NECAB1: variants seen among roughly 807,000 people sequenced by gnomAD.
NECAB1 encodes the protein N-terminal EF-hand calcium-binding protein 1.
A neutral mutation model predicts 57.5 loss-of-function variants in NECAB1; 29 were observed. The observed-to-expected ratio is 0.50, with a 90% CI of 0.38 to 0.69. The LOEUF is 0.69. Ranked by LOEUF, NECAB1 falls within the 30% of genes least tolerant of loss-of-function variation. NECAB1 has a pLI of 0.00. For missense variants in NECAB1, 372 were observed against 413.8 expected (o/e 0.90, Z 0.88); for synonymous variants, 142 against 147.7 (o/e 0.96, Z 0.28).
intron 3 of NECAB1, among the ~76,000 whole-genome samples, chr8:90,841,054 G>A (rs942860926): frequency 5.3e-5 from 8 of 151,362 alleles, no homozygotes; most frequent in Non-Finnish European, 1.2e-4. Context: ...TCAGGAGATC[G>A]AAAGCATCCT....
At chr8:90,942,076 C>T (rs1344732672) in intron 10 of NECAB1, among the ~76,000 whole-genome samples, 2 of 152,136 alleles carry the variant, frequency 1.3e-5, no homozygotes, top group African/African-American at 4.8e-5. Flanking sequence ...ATATTTTATT[C>T]ATACCCCAGC....
At chr8:90,885,286 C>T (rs959724318) in intron 5 of NECAB1, among the ~76,000 whole-genome samples, 6 of 152,144 alleles carry the variant, frequency 3.9e-5, no homozygotes, top group Non-Finnish European at 7.4e-5. Context: ...AATGTCTGGG[C>T]AGGCTCAAGA....
Position 90,904,074 on chromosome 8 carries a change from C to A in NECAB1, c.358-13418C>A, listed in dbSNP as rs566950292. ...TGAGAATTTATAACTGCAAGTCAGC[C>A]CTCATGTAAATGTGCAGGCCAAATC... is the stretch of plus-strand genomic sequence containing the variant. On this transcript the variant is annotated intron_variant, in intron 5 of 12. Coordinates refer to ENST00000417640, the MANE Select transcript of NECAB1 (RefSeq NM_022351.5). Among the ~76,000 whole-genome samples, 11 of 152,200 alleles carry A rather than the reference C, an allele frequency of 7.2e-5. No homozygotes were observed. The East Asian group carries it at 1.4e-3, about 19-fold the overall frequency.
chr8:90,944,067 A>G (rs1810739826), intron 10 of NECAB1, among the ~76,000 whole-genome samples: 2 of 152,170 alleles, frequency 1.3e-5, no homozygotes, highest in Admixed American at 1.3e-4. Flanking sequence ...TCTTCACAGC[A>G]ATAATCAAGA....
At chr8:90,863,273 G>A (rs997109370) in intron 3 of NECAB1, among the ~76,000 whole-genome samples, 2 of 151,986 alleles carry the variant, frequency 1.3e-5, no homozygotes, top group Admixed American at 6.6e-5. Flanking sequence ...CACAACATTC[G>A]GTTTTAGAAT....
At chr8:90,829,303 A>G (rs1812268706) in intron 3 of NECAB1, among the ~76,000 whole-genome samples, 2 of 152,120 alleles carry the variant, frequency 1.3e-5, no homozygotes, top group Admixed American at 6.6e-5. Flanking sequence ...GGAAACTTCC[A>G]TGGTTCCTCA....
chr8:90,946,065 T>C (rs1425048968), intron 10 of NECAB1, among the ~76,000 whole-genome samples: 3 of 152,240 alleles, frequency 2.0e-5, no homozygotes, highest in Admixed American at 6.5e-5. Flanking sequence ...TATTTCACAA[T>C]TGGACTTTTC....
At chr8:90,852,412 G>A (rs1159626259) in intron 3 of NECAB1, among the ~76,000 whole-genome samples, 1 of 152,100 alleles carries the variant, frequency 6.6e-6, no homozygotes, top group Non-Finnish European at 1.5e-5. Context: ...ATACACACTG[G>A]TTGTACCAGT....
chr8:90,917,870 A>ATATATGTGTGTG (rs1554575432), intron 6 of NECAB1, among the ~76,000 whole-genome samples: 23 of 64,328 alleles, frequency 3.6e-4, no homozygotes, highest in African/African-American at 2.2e-3. Context: ...ATATATATAT[A>ATATATGTGTGTG]TGTGTGTGTG....
chr8:90,879,892 C>A (rs1244907652), intron 4 of NECAB1, among the ~76,000 whole-genome samples: 1 of 152,080 alleles, frequency 6.6e-6, no homozygotes, highest in Non-Finnish European at 1.5e-5. Context: ...ATGCATTTTA[C>A]TTTTTGTCAA....
chr8:90,875,459 G>A (rs1808700894), intron 4 of NECAB1, among the ~76,000 whole-genome samples: 1 of 133,144 alleles, frequency 7.5e-6, no homozygotes, highest in Non-Finnish European at 1.5e-5. Flanking sequence ...CCGCAGTCCG[G>A]CCTGGGCGAC....
In NECAB1 at chr8:90,824,707, G is replaced by A; in HGVS notation, c.125-10G>A. ...AAATAATTTGTGTCTCTTTGTTCTT[G>A]CCATTTCAGATGATGGAAAATTATC... On this transcript the variant is annotated splice_polypyrimidine_tract_variant and intron_variant, in intron 2 of 12. Transcript: ENST00000417640. 5 of 1,481,466 alleles carry A rather than the reference G, an allele frequency of 3.4e-6. No homozygotes were observed. The highest frequency in any genetic ancestry group is 4.6e-6 in the Non-Finnish European group (5 of 1,093,204). The allele number at this position is 1,481,466 out of a possible 1,614,324, so 91.8% of individuals were successfully genotyped here.
intron 3 of NECAB1, among the ~76,000 whole-genome samples, chr8:90,825,346 T>C (rs941475039): frequency 1.3e-5 from 2 of 151,906 alleles, no homozygotes; most frequent in Admixed American, 1.3e-4. Flanking sequence ...TTTGCCTATA[T>C]AGATCTCTCT....
At chr8:90,942,150 G>A (rs1255611715) in intron 10 of NECAB1, among the ~76,000 whole-genome samples, 1 of 152,184 alleles carries the variant, frequency 6.6e-6, no homozygotes, top group Non-Finnish European at 1.5e-5. Context: ...CTAGCTTTGT[G>A]GTTTTGAGAA....
At chr8:90,816,158 T>C (rs558173711) in intron 2 of NECAB1, among the ~76,000 whole-genome samples, 2 of 152,088 alleles carry the variant, frequency 1.3e-5, no homozygotes, top group South Asian at 4.1e-4. Context: ...ATGTCTTCTT[T>C]GGTAAAGTGT....
At chr8:90,875,735 G>A (rs1048072737) in intron 4 of NECAB1, among the ~76,000 whole-genome samples, 5 of 151,252 alleles carry the variant, frequency 3.3e-5, no homozygotes, top group Non-Finnish European at 4.4e-5. Flanking sequence ...TACGGGGGCC[G>A]GGCGCGGTGG....
At chr8:90,861,201 T>C (rs1812896042) in intron 3 of NECAB1, among the ~76,000 whole-genome samples, 1 of 152,172 alleles carries the variant, frequency 6.6e-6, no homozygotes, top group South Asian at 2.1e-4. Context: ...CTCTACAATG[T>C]CTCCCTTGTC....
chr8:90,824,730 A>G lies in NECAB1; in HGVS notation c.138A>G (p.Leu46=). Residue 46 remains leucine (L), a synonymous_variant, in exon 3 of 13, where the codon TTA becomes TTG. Coordinates refer to ENST00000417640, the MANE Select transcript of NECAB1 (RefSeq NM_022351.5). ...RRADKNDDGK[L]SFEEFKAYFA... Reference sequence around the variant, plus strand: ...TTGCCATTTCAGATGATGGAAAATTATCCTTTGAAGAATTCAAAGCATATT... The same window carrying G: ...TTGCCATTTCAGATGATGGAAAATTGTCCTTTGAAGAATTCAAAGCATATT... 1 of 1,537,666 alleles carries G rather than the reference A, an allele frequency of 6.5e-7. No individual in the cohort carries two copies. Among genetic ancestry groups the G allele is most frequent in the South Asian group, 1.2e-5 (1 of 81,116 alleles).
In NECAB1 at chr8:90,917,870, A is replaced by ATATATATGTGTG. The variant is rs1554575432; in HGVS notation, c.494+243_494+244insATATATGTGTGT. ...TATATATATATATATATATATATAT[A>ATATATATGTGTG]TGTGTGTGTGTGCGTGTATATATAT... On this transcript the variant is annotated intron_variant, in intron 6 of 12. Transcript: ENST00000417640. Among the ~76,000 whole-genome samples, 381 of 64,218 alleles carry ATATATATGTGTG rather than the reference A, an allele frequency of 5.9e-3. 13 individuals carry two copies. The highest frequency in any genetic ancestry group is 0.035 in the African/African-American group (337 of 9,502). The allele number at this position is 64,218 out of a possible 152,430, so 42.1% of individuals were successfully genotyped here.
Sources: gnomAD v4.1 joint callset for allele counts (sites outside exome capture counted in the v4.1 genomes callset) on GRCh38, gnomAD v4.1.1 for gene constraint, MANE v1.5 for transcripts, NCBI Gene and HGNC (gene_info 2026-07-23, HGNC 2026-07-21) for gene names.